ARPP21: variants seen among roughly 807,000 people sequenced by gnomAD.
ARPP21 encodes the protein cAMP regulated phosphoprotein 21, also known as cAMP-regulated phosphoprotein 21.
In ARPP21, 69 loss-of-function variants were observed where a neutral mutation model predicts 113.2. That is an observed-to-expected ratio of 0.61 (90% CI 0.50 to 0.74). The LOEUF (loss-of-function observed/expected upper bound fraction) is 0.74. Ranked by LOEUF, ARPP21 falls within the 30% of genes least tolerant of loss-of-function variation. The pLI, the probability that ARPP21 is intolerant of heterozygous loss-of-function variation, is 0.00. For synonymous variants in ARPP21, 368 were observed against 375.5 expected (o/e 0.98, Z 0.23); for missense variants, 1,070 against 1,037.4 (o/e 1.03, Z -0.43).
At chr3:35,684,611 G>T (rs746471943) in intron 5 of ARPP21, 1 of 985,330 alleles carries the variant, frequency 1.0e-6, no homozygotes, top group Non-Finnish European at 1.2e-6. Flanking sequence ...AAAGTAAAAT[G>T]GTTTACCTGA....
intron 19 of ARPP21, among the ~76,000 whole-genome samples, chr3:35,748,433 GAGAAAGAAAGAAAGAAA>G (rs2095269551): frequency 7.2e-6 from 1 of 139,300 alleles, no homozygotes; most frequent in African/African-American, 2.7e-5. Context: ...GAGAAAGAAA[GAGAAAGAAAGAAAGAAA>G]AGAAAGAAAA....
intron 4 of ARPP21, 25 bp downstream of exon 4, chr3:35,682,914 G>C (rs780613885): frequency 1.3e-6 from 2 of 1,582,380 alleles, no homozygotes; most frequent in East Asian, 4.5e-5. Context: ...ATTCTAGGTA[G>C]ACCTGATATC....
At chr3:35,788,557 C>T (rs1477662750) in intron 19 of ARPP21, among the ~76,000 whole-genome samples, 1 of 152,136 alleles carries the variant, frequency 6.6e-6, no homozygotes, top group Non-Finnish European at 1.5e-5. Context: ...ACCGCCTTCC[C>T]TGTTTCAACC....
chr3:35,692,536 T>C (rs1471794517), intron 9 of ARPP21, among the ~76,000 whole-genome samples: 1 of 151,692 alleles, frequency 6.6e-6, no homozygotes, highest in Admixed American at 6.6e-5. Context: ...AAAACTCCCA[T>C]AGTTCAAGTA....
At chr3:35,696,120 T>C (rs1039156755) in intron 9 of ARPP21, among the ~76,000 whole-genome samples, 2 of 151,580 alleles carry the variant, frequency 1.3e-5, no homozygotes, top group Non-Finnish European at 3.0e-5. Flanking sequence ...TGAGGCTTGA[T>C]GTGTATAACC....
Position 35,794,095 on chromosome 3 carries a change from AAAC to A in ARPP21, c.*140_*142del. On this transcript the variant is annotated 3_prime_UTR_variant, in exon 21 of 21. Transcript: ENST00000684406. Reference sequence around the variant, plus strand: ...TTGCTGCTGGTATTCTGTAAAAAATAAACAAAGACTAATATACACGTTAGCTGG... The same window carrying A: ...TTGCTGCTGGTATTCTGTAAAAAATAAAAGACTAATATACACGTTAGCTGG... 1.3e-6 allele frequency: 1 copy of A among 787,974 alleles called. No homozygotes were observed. Among genetic ancestry groups the A allele is most frequent in the Non-Finnish European group, 2.0e-6 (1 of 494,910 alleles). 48.8% of individuals were successfully genotyped at this position (787,974 alleles called of 1,614,324 possible). A position where few individuals can be genotyped will look rare whatever the true frequency, so the allele number is the denominator to read the frequency against.
intron 19 of ARPP21, among the ~76,000 whole-genome samples, chr3:35,779,128 T>C (rs1334682684): frequency 6.6e-6 from 1 of 152,172 alleles, no homozygotes; most frequent in Middle Eastern, 3.2e-3. Context: ...TGTGTTATCT[T>C]AGAAAAGTTT....
intron 1 of ARPP21, chr3:35,678,745 T>C (rs1371962321): frequency 2.6e-5 from 4 of 151,942 alleles, no homozygotes; most frequent in African/African-American, 9.7e-5. Context: ...CCAGCTGTGC[T>C]CATTTAAACT....
chr3:35,723,157 C>A (rs1355382435), intron 14 of ARPP21, among the ~76,000 whole-genome samples: 3 of 152,006 alleles, frequency 2.0e-5, no homozygotes, highest in African/African-American at 7.2e-5. Flanking sequence ...GAATGGAGAA[C>A]CCCAGTTAGA....
intron 19 of ARPP21, among the ~76,000 whole-genome samples, chr3:35,765,628 T>A (rs1438414628): frequency 1.3e-5 from 2 of 152,106 alleles, no homozygotes; most frequent in Admixed American, 6.6e-5. Context: ...GAAGACAGAG[T>A]GCTTTCAATG....
chr3:35,777,817 AAT>A, intron 19 of ARPP21, among the ~76,000 whole-genome samples: 1 of 152,168 alleles, frequency 6.6e-6, no homozygotes. Context: ...GATGAATCAT[AAT>A]TTAACTTTTT....
chr3:35,739,746 A>G (rs546307887), intron 18 of ARPP21, among the ~76,000 whole-genome samples, 169 bp downstream of exon 18: 2 of 152,300 alleles, frequency 1.3e-5, no homozygotes, highest in South Asian at 4.1e-4. Flanking sequence ...CAGTTGTTCA[A>G]AGTTATAGGG....
At chr3:35,740,089 C>T (rs2094565474) in intron 18 of ARPP21, among the ~76,000 whole-genome samples, 1 of 152,212 alleles carries the variant, frequency 6.6e-6, no homozygotes, top group Non-Finnish European at 1.5e-5. Flanking sequence ...CAGTCCTTTT[C>T]TCTCCCTAAG....
chr3:35,791,382 T>A (rs2096744139), intron 19 of ARPP21, among the ~76,000 whole-genome samples: 1 of 152,170 alleles, frequency 6.6e-6, no homozygotes, highest in Admixed American at 6.5e-5. Flanking sequence ...TTCCACTTAC[T>A]CTTAGGTGCT....
At chr3:35,759,730 A>T (rs1380834489) in intron 19 of ARPP21, among the ~76,000 whole-genome samples, 1 of 143,318 alleles carries the variant, frequency 7.0e-6, no homozygotes, top group Non-Finnish European at 1.5e-5. Context: ...ACTGAAATTT[A>T]TTTTCCCACA....
chr3:35,658,159 A>T (rs1057318522), intron 1 of ARPP21, among the ~76,000 whole-genome samples: 1 of 152,092 alleles, frequency 6.6e-6, no homozygotes, highest in African/African-American at 2.4e-5. Context: ...TTCTTGGTGA[A>T]CACATTCCAG....
Position 35,683,862 on chromosome 3 carries a change from T to G in ARPP21, c.261+47T>G, listed in dbSNP as rs906955786. The stretch of plus-strand genomic sequence containing the variant: ...ATTAATTGCATGAATGGGATCCACC[T>G]TTGTGTGCATGACTCTTAATTTGGT... On this transcript the variant is annotated intron_variant, in intron 5 of 20. Transcript: ENST00000684406. 3 of 972,568 alleles carry G rather than the reference T, an allele frequency of 3.1e-6. No individual in the cohort carries two copies. The African/African-American group carries it at 4.8e-5, about 16-fold the overall frequency. The allele number at this position is 972,568 out of a possible 1,614,324, so 60.2% of individuals were successfully genotyped here.
At chr3:35,685,066 G>T (rs1451000758) in intron 5 of ARPP21, 11 of 985,120 alleles carry the variant, frequency 1.1e-5, no homozygotes, top group Non-Finnish European at 1.3e-5. Context: ...TGTTAACTCT[G>T]CAGAATGACA....
At chr3:35,766,534 G>T (rs1456047995) in intron 19 of ARPP21, among the ~76,000 whole-genome samples, 2 of 152,072 alleles carry the variant, frequency 1.3e-5, no homozygotes, top group African/African-American at 4.8e-5. Flanking sequence ...GAGCCTTTAG[G>T]CATTTGACGT....
Sources: gnomAD v4.1 joint callset for allele counts (sites outside exome capture counted in the v4.1 genomes callset) on GRCh38, gnomAD v4.1.1 for gene constraint, MANE v1.5 for transcripts, NCBI Gene and HGNC (gene_info 2026-07-23, HGNC 2026-07-21) for gene names.